Variants in EPSTI1 observed in about 807,000 individuals in gnomAD.
EPSTI1 encodes epithelial-stromal interaction protein 1.
EPSTI1 carries 66 observed loss-of-function variants against 49.9 expected under a neutral mutation model. The observed-to-expected ratio is 1.32, with a 90% CI of 1.08 to 1.62. The LOEUF (loss-of-function observed/expected upper bound fraction) is 1.62. Among genes scored for constraint, EPSTI1 ranks in the 40% most tolerant of loss-of-function variants. EPSTI1 has a pLI of 0.00. For missense variants in EPSTI1, 394 were observed against 365.5 expected (o/e 1.08, Z -0.64); for synonymous variants, 137 against 130.7 (o/e 1.05, Z -0.33).
chr13:42,926,363 A>G lies in EPSTI1; in HGVS notation c.630T>C (p.Ala210=). 1 of 1,612,498 alleles carries G rather than the reference A, an allele frequency of 6.2e-7. No individual in the cohort carries two copies. Among genetic ancestry groups the G allele is most frequent in the East Asian group, 2.2e-5 (1 of 44,868 alleles). The change falls in exon 7 of 11, where the codon GCT becomes GCC. Residue 210 remains alanine, a synonymous_variant. Transcript: ENST00000313624. ...ATGTTGAGGATTGTGGGCCACAAAC[A>G]GCACTTTGACAGGCACTTCTGTCTG... ...ESPDRSACQS[A]VCGPQSSTWA...
intron 1 of EPSTI1, among the ~76,000 whole-genome samples, chr13:42,986,426 C>G (rs1232164416): frequency 6.6e-6 from 1 of 151,838 alleles, no homozygotes; most frequent in African/African-American, 2.4e-5. Context: ...CTAGAAAAAC[C>G]AGCTATGCGA....
At chr13:42,941,785 T>C (rs887833242) in intron 6 of EPSTI1, among the ~76,000 whole-genome samples, 1 of 151,658 alleles carries the variant, frequency 6.6e-6, no homozygotes, top group Non-Finnish European at 1.5e-5. Flanking sequence ...CATGGCCAAT[T>C]TTGTAGTAGA....
At chr13:42,899,197 CAAA>C (rs34907903) in intron 9 of EPSTI1, among the ~76,000 whole-genome samples, 1 of 122,188 alleles carries the variant, frequency 8.2e-6, no homozygotes, top group Non-Finnish European at 1.8e-5. Context: ...GACTCTGTCT[CAAA>C]AAAAAAAAAA....
rs567996444 is a variant in EPSTI1 at position 42,945,182 on chromosome 13, G to A, written c.563+8766C>T. 8.1e-4 allele frequency among the ~76,000 whole-genome samples: 124 copies of A among 152,296 alleles called. 1 individual carries two copies. In the South Asian group the frequency reaches 0.016, roughly 20 times the overall value. ...GCTGGGGAGGCCTCACAATCGTGGC[G>A]AAAAGTGAAGGAGGAGCAAAGACAC... On this transcript the variant is annotated intron_variant, in intron 6 of 10. Transcript: ENST00000313624.
chr13:42,972,192 G>A (rs12875621), intron 1 of EPSTI1, among the ~76,000 whole-genome samples: 23,689 of 152,008 alleles, frequency 0.16, 2,102 homozygotes, highest in Middle Eastern at 0.24. Flanking sequence ...CTAACATTGT[G>A]GTATAGAGCT....
intron 6 of EPSTI1, among the ~76,000 whole-genome samples, chr13:42,947,716 C>T (rs144910576): frequency 6.1e-4 from 93 of 152,278 alleles, no homozygotes; most frequent in Admixed American, 1.8e-3. Context: ...TTTCCTATGA[C>T]GTACACAGAT....
chr13:42,963,232 G>C, intron 5 of EPSTI1, 23 bp downstream of exon 5: 1 of 1,584,188 alleles, frequency 6.3e-7, no homozygotes, highest in South Asian at 1.1e-5. Context: ...CAGCAAATGT[G>C]AACTAATCCT....
chr13:42,926,005 A>G (rs1458968348), intron 7 of EPSTI1, among the ~76,000 whole-genome samples: 1 of 152,114 alleles, frequency 6.6e-6, no homozygotes, highest in Non-Finnish European at 1.5e-5. Context: ...GAATGGAAGG[A>G]AGGATGGATG....
intron 5 of EPSTI1, among the ~76,000 whole-genome samples, chr13:42,957,777 GT>G (rs1157100668): frequency 6.6e-6 from 1 of 152,132 alleles, no homozygotes; most frequent in Non-Finnish European, 1.5e-5. Flanking sequence ...GTCTCACCAT[GT>G]TTCCCAGGCT....
At chr13:42,959,035 C>A (rs887352892) in intron 5 of EPSTI1, among the ~76,000 whole-genome samples, 2 of 152,102 alleles carry the variant, frequency 1.3e-5, no homozygotes, top group South Asian at 2.1e-4. Flanking sequence ...AGTGTTAAAG[C>A]ACTTCTTTAC....
intron 8 of EPSTI1, 141 bp downstream of exon 8, chr13:42,917,400 A>G: frequency 1.2e-6 from 1 of 805,192 alleles, no homozygotes; most frequent in Non-Finnish European, 2.0e-6. Flanking sequence ...ACACATCCAG[A>G]AACTCACCTT....
At chr13:42,920,581 A>G (rs1430778504) in intron 7 of EPSTI1, among the ~76,000 whole-genome samples, 1 of 152,182 alleles carries the variant, frequency 6.6e-6, no homozygotes, top group Non-Finnish European at 1.5e-5. Context: ...GAATTACTAG[A>G]TAGTCTCAGT....
chr13:42,989,856 G>C (rs573443367), intron 1 of EPSTI1, among the ~76,000 whole-genome samples: 85 of 152,074 alleles, frequency 5.6e-4, no homozygotes, highest in Non-Finnish European at 9.9e-4. Flanking sequence ...GCCTCCCAAA[G>C]TGCTGGGATT....
At position 42,922,741 on chromosome 13, in the gene EPSTI1, G is replaced by A. The variant is rs2038049453; in HGVS notation, c.657+3595C>T. On this transcript the variant is annotated intron_variant, in intron 7 of 10. Transcript: ENST00000313624. This position sits in a 1 kb window ranked among gnomAD's most constrained non-coding sequence, Gnocchi z 4.8. Reference sequence around the variant, plus strand: ...CTTTATTTGACTTCTTAATGAATGAGCATGTGACACGTAGATAAAAATTAC... The same window carrying A: ...CTTTATTTGACTTCTTAATGAATGAACATGTGACACGTAGATAAAAATTAC... Among the ~76,000 whole-genome samples, 1 of 152,174 alleles carries A rather than the reference G, an allele frequency of 6.6e-6. No individual in the cohort carries two copies. The highest frequency in any genetic ancestry group is 6.5e-5 in the Admixed American group (1 of 15,274).
At chr13:42,944,295 T>A (rs1009991621) in intron 6 of EPSTI1, among the ~76,000 whole-genome samples, 4 of 152,062 alleles carry the variant, frequency 2.6e-5, no homozygotes, top group Admixed American at 1.3e-4. Flanking sequence ...TTGGGCTGGA[T>A]AAAGAAAATG....
In EPSTI1 at chr13:42,968,643, C is replaced by T. The variant is rs537923751; in HGVS notation, c.331+451G>A. ...GTGATGTTTCTCTTATACCCACCAC[C>T]GGGTTTCCAGCTCACTCTCATCTCC... is the stretch of plus-strand genomic sequence containing the variant. On this transcript the variant is annotated intron_variant, in intron 3 of 10. Transcript: ENST00000313624. 3.3e-5 allele frequency among the ~76,000 whole-genome samples: 5 copies of T among 152,160 alleles called. No homozygotes were observed. The South Asian group carries it at 8.3e-4, about 25-fold the overall frequency.
At position 42,918,235 on chromosome 13, in the gene EPSTI1, T is replaced by A. The variant is rs74063004; in HGVS notation, c.658-611A>T. 8.8e-3 allele frequency among the ~76,000 whole-genome samples: 1,339 copies of A among 152,326 alleles called. 24 individuals carry two copies. The highest frequency in any genetic ancestry group is 0.03 in the African/African-American group (1,254 of 41,564). On this transcript the variant is annotated intron_variant, in intron 7 of 10. Transcript: ENST00000313624. ...TGGCAAGCCAGCACATGAGGGAGAATGCCCTTCGGTGTCTCTGACCCACCA... is the reference window on the plus strand; with the variant it reads ...TGGCAAGCCAGCACATGAGGGAGAAAGCCCTTCGGTGTCTCTGACCCACCA...
At chr13:42,933,514 G>A (rs1331786792) in intron 6 of EPSTI1, among the ~76,000 whole-genome samples, 1 of 152,054 alleles carries the variant, frequency 6.6e-6, no homozygotes, top group Non-Finnish European at 1.5e-5. Context: ...CCCATCATTT[G>A]CAAAACATGT....
intron 9 of EPSTI1, 59 bp from the exon 10 acceptor site, chr13:42,895,167 C>A (rs1034265430): frequency 3.0e-6 from 4 of 1,345,002 alleles, no homozygotes; most frequent in Non-Finnish European, 4.2e-6. Context: ...TGAGAGATTT[C>A]TGAGAATCTA....
Sources: gnomAD v4.1 joint callset for allele counts (sites outside exome capture counted in the v4.1 genomes callset) on GRCh38, gnomAD v4.1.1 for gene constraint, Gnocchi (gnomAD v3.1) non-coding constraint, MANE v1.5 for transcripts, NCBI Gene and HGNC (gene_info 2026-07-23, HGNC 2026-07-21) for gene names.